ATRNL1: variants seen among roughly 807,000 people sequenced by gnomAD.
ATRNL1 encodes attractin-like protein 1.
A neutral mutation model predicts 182.7 loss-of-function variants in ATRNL1; 95 were observed. The ratio of observed to expected loss-of-function variants is 0.52; its 90% confidence interval spans 0.44 to 0.62. ATRNL1 has a LOEUF of 0.62. ATRNL1 is among the 20% of genes least tolerant of loss of function. The pLI, the probability that ATRNL1 is intolerant of heterozygous loss-of-function variation, is 0.00. For synonymous variants in ATRNL1, 576 were observed against 568.3 expected, an observed-to-expected ratio of 1.01 and a Z score of -0.19; for missense variants, 1,471 against 1,679.5, an observed-to-expected ratio of 0.88 and a Z score of 2.17.
chr10:115,347,929 A>G (rs1487097228), intron 19 of ATRNL1, among the ~76,000 whole-genome samples: 3 of 152,150 alleles, frequency 2.0e-5, no homozygotes, highest in Admixed American at 1.3e-4. Flanking sequence ...TTGAGTCTAC[A>G]TGCTGGCAAT....
At chr10:115,623,852 A>T (rs1857926809) in intron 26 of ATRNL1, among the ~76,000 whole-genome samples, 1 of 152,254 alleles carries the variant, frequency 6.6e-6, no homozygotes, top group African/African-American at 2.4e-5. Flanking sequence ...TAGTAAAATA[A>T]TGTGTTTACA....
chr10:115,319,722 T>A (rs1854487067), intron 18 of ATRNL1, among the ~76,000 whole-genome samples: 1 of 151,998 alleles, frequency 6.6e-6, no homozygotes, highest in African/African-American at 2.4e-5. Context: ...GCTTTTTTTT[T>A]TTTTAACTTT....
Position 115,723,133 on chromosome 10 carries a change from G to A in ATRNL1, c.3796-4115G>A, listed in dbSNP as rs151034291. Among the ~76,000 whole-genome samples the A allele has an allele frequency of 9.1e-4, 139 of 152,262 alleles. 3 individuals carry two copies. Among genetic ancestry groups the A allele is most frequent in the South Asian group, 4.1e-4 (2 of 4,828 alleles). On this transcript the variant is annotated intron_variant, in intron 26 of 28. Coordinates refer to ENST00000355044, the MANE Select transcript of ATRNL1 (RefSeq NM_207303.4). ...AAAGAAGATCCCAGAAAAGCATGGA[G>A]ACATAAAGAGATGGTGCCATATTAA...
intron 24 of ATRNL1, among the ~76,000 whole-genome samples, chr10:115,510,307 A>G (rs1850324837): frequency 6.6e-6 from 1 of 152,082 alleles, no homozygotes; most frequent in Non-Finnish European, 1.5e-5. Flanking sequence ...GTAAATTTTT[A>G]TGAAACAGCA....
intron 25 of ATRNL1, among the ~76,000 whole-genome samples, chr10:115,530,004 G>A (rs1409250458): frequency 6.6e-6 from 1 of 152,052 alleles, no homozygotes; most frequent in Admixed American, 6.6e-5. Flanking sequence ...TTTTGTGACT[G>A]GTTCCTTTCA....
At chr10:115,778,961 G>A (rs782347352) in intron 27 of ATRNL1, among the ~76,000 whole-genome samples, 1 of 152,174 alleles carries the variant, frequency 6.6e-6, no homozygotes, top group Non-Finnish European at 1.5e-5. Flanking sequence ...GTGGGGTTCA[G>A]TAAGTTATTG....
At chr10:115,870,008 G>T (rs1555105703) in intron 28 of ATRNL1, among the ~76,000 whole-genome samples, 1 of 97,712 alleles carries the variant, frequency 1.0e-5, no homozygotes, top group Non-Finnish European at 1.9e-5. Context: ...TATAAATAAC[G>T]CCATGAAAAA....
intron 27 of ATRNL1, among the ~76,000 whole-genome samples, chr10:115,836,051 C>T (rs1461799576): frequency 2.0e-5 from 3 of 152,184 alleles, no homozygotes; most frequent in Admixed American, 6.6e-5. Context: ...GGGAATCCAA[C>T]GTATAACGTA....
chr10:115,777,424 T>C (rs2134180998), intron 27 of ATRNL1, among the ~76,000 whole-genome samples: 1 of 152,246 alleles, frequency 6.6e-6, no homozygotes, highest in Middle Eastern at 3.4e-3. Context: ...ATTTTACCAA[T>C]TTTGACTTTG....
At chr10:115,828,178 G>A (rs539847217) in intron 27 of ATRNL1, among the ~76,000 whole-genome samples, 7 of 152,196 alleles carry the variant, frequency 4.6e-5, no homozygotes, top group South Asian at 2.1e-4. Flanking sequence ...TTAGCCAGGC[G>A]TGGTGGCGCA....
At chr10:115,226,840 A>G (rs1335065083) in intron 9 of ATRNL1, among the ~76,000 whole-genome samples, 1 of 152,146 alleles carries the variant, frequency 6.6e-6, no homozygotes, top group East Asian at 1.9e-4. Flanking sequence ...AGGACTCCCT[A>G]TTCAATAAAT....
chr10:115,336,011 A>C (rs1394341752), intron 19 of ATRNL1, among the ~76,000 whole-genome samples: 1 of 152,146 alleles, frequency 6.6e-6, no homozygotes, highest in Non-Finnish European at 1.5e-5. Context: ...GCATTGGCCC[A>C]CATTTAACAT....
rs538017795 is a variant in ATRNL1 at position 115,310,477 on chromosome 10, C to A, written c.2819-5041C>A. On this transcript the variant is annotated intron_variant, in intron 17 of 28. Transcript: ENST00000355044. ...TCCCCTGGCCCTTGACTTTTTTTGG[C>A]TGGCAAATTGGTATTACTGATTCAG... 2.0e-5 allele frequency among the ~76,000 whole-genome samples: 3 copies of A among 151,974 alleles called. No individual in the cohort carries two copies. The South Asian group carries it at 6.2e-4, about 32-fold the overall frequency.
intron 1 of ATRNL1, 34 bp from the exon 2 acceptor site, chr10:115,120,151 G>T (rs566008697): frequency 2.4e-6 from 3 of 1,257,310 alleles, no homozygotes; most frequent in South Asian, 2.5e-5. Context: ...TTATTTTAAG[G>T]TAATTATTTT....
intron 26 of ATRNL1, among the ~76,000 whole-genome samples, chr10:115,608,683 G>A (rs1051406060): frequency 6.6e-6 from 1 of 151,932 alleles, no homozygotes; most frequent in African/African-American, 2.4e-5. Flanking sequence ...CCACTAAATA[G>A]AAGTGTTTTC....
intron 27 of ATRNL1, among the ~76,000 whole-genome samples, chr10:115,758,853 A>C (rs1948660102): frequency 1.3e-5 from 2 of 152,258 alleles, no homozygotes; most frequent in African/African-American, 4.8e-5. Flanking sequence ...CAGCAATAGC[A>C]GAATACTTTT....
intron 1 of ATRNL1, among the ~76,000 whole-genome samples, chr10:115,108,280 G>C (rs899527490): frequency 6.6e-6 from 1 of 152,174 alleles, no homozygotes; most frequent in Non-Finnish European, 1.5e-5. Flanking sequence ...CTAGTGAAGT[G>C]GCTACATTGT....
At chr10:115,364,005 C>G (rs1856890612) in intron 19 of ATRNL1, among the ~76,000 whole-genome samples, 1 of 152,150 alleles carries the variant, frequency 6.6e-6, no homozygotes, top group Non-Finnish European at 1.5e-5. Flanking sequence ...GATGCGGGCT[C>G]TTTTTTGATT....
intron 26 of ATRNL1, among the ~76,000 whole-genome samples, chr10:115,609,275 T>C (rs536765495): frequency 2.1e-4 from 32 of 152,250 alleles, no homozygotes; most frequent in African/African-American, 7.2e-4. Flanking sequence ...TGATGTGGAA[T>C]ACACTGAGTA....
Sources: allele counts gnomAD v4.1 joint callset (sites outside exome capture counted in the v4.1 genomes callset), GRCh38; gene constraint gnomAD v4.1.1; transcripts MANE v1.5; gene names NCBI Gene and HGNC (gene_info 2026-07-23, HGNC 2026-07-21).